Variants in DNAJB14 observed in about 807,000 individuals in gnomAD.
The protein encoded by DNAJB14 is dnaJ homolog subfamily B member 14.
Under a neutral mutation model 48.4 loss-of-function variants are expected in DNAJB14, and 22 were observed. The ratio of observed to expected loss-of-function variants is 0.45; its 90% confidence interval spans 0.32 to 0.65. DNAJB14 has a LOEUF of 0.65. Among genes scored for constraint, DNAJB14 ranks in the 30% least tolerant of loss-of-function variants. The pLI is 0.03. For synonymous variants in DNAJB14, 142 were observed against 158.7 expected (o/e 0.89, Z 0.79); for missense variants, 319 against 458.8 (o/e 0.70, Z 2.78).
chr4:99,939,987 C>T (rs1371883711), intron 1 of DNAJB14, among the ~76,000 whole-genome samples: 1 of 152,138 alleles, frequency 6.6e-6, no homozygotes, highest in East Asian at 1.9e-4. Context: ...TTATTTTATG[C>T]ATTTACCTTC....
chr4:99,931,000 A>G (rs1031646390), intron 1 of DNAJB14, among the ~76,000 whole-genome samples: 12 of 152,220 alleles, frequency 7.9e-5, no homozygotes, highest in Non-Finnish European at 1.8e-4. Context: ...AATAGCAACA[A>G]TGGGAGCCAA....
At chr4:99,902,366 G>A (rs756652032) in intron 7 of DNAJB14, among the ~76,000 whole-genome samples, 1 of 141,546 alleles carries the variant, frequency 7.1e-6, no homozygotes, top group Non-Finnish European at 1.5e-5. Flanking sequence ...ATCTCCAGAC[G>A]TTACCAAACA....
chr4:99,929,855 G>T (rs549332590), intron 2 of DNAJB14: 32 of 152,242 alleles, frequency 2.1e-4, no homozygotes, highest in Non-Finnish European at 4.0e-4. Context: ...AAACAAAACA[G>T]ACTTTTCTCT....
At chr4:99,910,150 G>C (rs1578216030) in intron 3 of DNAJB14, among the ~76,000 whole-genome samples, 2 of 151,932 alleles carry the variant, frequency 1.3e-5, no homozygotes, top group African/African-American at 4.8e-5. Flanking sequence ...TTCTAATCGA[G>C]CTTCTTAAAA....
At position 99,898,530 on chromosome 4, in the gene DNAJB14, A is replaced by G. The variant is rs558683411; in HGVS notation, c.*2498T>C. 10 of 151,988 alleles carry G rather than the reference A, an allele frequency of 6.6e-5. 1 individual carries two copies. In the South Asian group the frequency reaches 2.1e-3, roughly 32 times the overall value. The allele number at this position is 151,988 out of a possible 1,614,324, so 9.4% of individuals were successfully genotyped here. A position where few individuals can be genotyped will look rare whatever the true frequency, so the allele number is the denominator to read the frequency against. On this transcript the variant is annotated 3_prime_UTR_variant, in exon 8 of 8. Coordinates refer to ENST00000442697, the MANE Select transcript of DNAJB14 (RefSeq NM_001031723.4). ...GAAGAGGAGAAAGGTACTATTTTTC[A>G]TTTCCCCCAAACCCTCACAAGGACA... is the stretch of plus-strand genomic sequence containing the variant.
chr4:99,936,660 T>C (rs1228307781), intron 1 of DNAJB14, among the ~76,000 whole-genome samples: 2 of 152,190 alleles, frequency 1.3e-5, no homozygotes, highest in Non-Finnish European at 2.9e-5. Flanking sequence ...AATGTGAGCC[T>C]GAAATTTTTT....
At chr4:99,934,157 A>C (rs1214678796) in intron 1 of DNAJB14, among the ~76,000 whole-genome samples, 1 of 151,964 alleles carries the variant, frequency 6.6e-6, no homozygotes, top group Non-Finnish European at 1.5e-5. Context: ...CAGGGAAAAC[A>C]AAAAAAATGA....
intron 1 of DNAJB14, among the ~76,000 whole-genome samples, chr4:99,936,615 G>T (rs1726685373): frequency 6.6e-6 from 1 of 152,146 alleles, no homozygotes; most frequent in African/African-American, 2.4e-5. Context: ...AGGACTTCTT[G>T]GAGAACTAGC....
At chr4:99,919,252 C>G (rs761848809) in intron 3 of DNAJB14, among the ~76,000 whole-genome samples, 4 of 151,890 alleles carry the variant, frequency 2.6e-5, no homozygotes, top group Non-Finnish European at 2.9e-5. Context: ...TTGGGGTTGC[C>G]TACTCCTCCA....
chr4:99,946,100 A>G (rs991029672), intron 1 of DNAJB14, among the ~76,000 whole-genome samples: 28 of 152,244 alleles, frequency 1.8e-4, no homozygotes, highest in African/African-American at 6.8e-4. Context: ...CCACATAAAC[A>G]ACACAGATAC....
At chr4:99,901,214 C>T (rs1298333096) in intron 7 of DNAJB14, 62 bp from the exon 8 acceptor site, 3 of 1,425,434 alleles carry the variant, frequency 2.1e-6, no homozygotes, top group Non-Finnish European at 1.9e-6. Flanking sequence ...GTTGCTTAAG[C>T]TCAAGTGATG....
chr4:99,905,845 A>G, intron 5 of DNAJB14, 139 bp from the exon 6 acceptor site: 1 of 1,250,120 alleles, frequency 8.0e-7, no homozygotes, highest in Non-Finnish European at 1.1e-6. Flanking sequence ...TAACCATGCC[A>G]ATAGGATGAT....
chr4:99,924,467 A>G, intron 2 of DNAJB14: 1 of 257,928 alleles, frequency 3.9e-6, no homozygotes, highest in Non-Finnish European at 7.3e-6. Context: ...AAAAAGGGAA[A>G]GTAATATAAA....
intron 7 of DNAJB14, among the ~76,000 whole-genome samples, chr4:99,902,412 A>G (rs1190133352): frequency 6.6e-6 from 1 of 151,996 alleles, no homozygotes; most frequent in Non-Finnish European, 1.5e-5. Context: ...AAGGGTGGCA[A>G]CTCACTCCCA....
At chr4:99,945,594 C>CT (rs1434865615) in intron 1 of DNAJB14, among the ~76,000 whole-genome samples, 1 of 152,246 alleles carries the variant, frequency 6.6e-6, no homozygotes, top group Non-Finnish European at 1.5e-5. Flanking sequence ...ATCAGAAAGT[C>CT]TGTTTCCACG....
chr4:99,921,023 T>C (rs1242910360), intron 3 of DNAJB14, among the ~76,000 whole-genome samples: 1 of 152,168 alleles, frequency 6.6e-6, no homozygotes, highest in Non-Finnish European at 1.5e-5. Flanking sequence ...GAAGATCCTG[T>C]GTGCTAAATG....
chr4:99,938,002 A>G (rs1726741428), intron 1 of DNAJB14, among the ~76,000 whole-genome samples: 5 of 150,046 alleles, frequency 3.3e-5, no homozygotes, highest in Admixed American at 2.7e-4. Flanking sequence ...TCACGCCTGT[A>G]ATCCCAACAC....
chr4:99,938,095 TACAAAA>T (rs1726747096), intron 1 of DNAJB14, among the ~76,000 whole-genome samples: 7 of 4,084 alleles, frequency 1.7e-3, no homozygotes, highest in African/African-American at 3.4e-3. Flanking sequence ...ATGTTAAAAA[TACAAAA>T]AAAAAAAAAA....
chr4:99,904,055 C>T (rs1725386097), intron 6 of DNAJB14, among the ~76,000 whole-genome samples, 157 bp from the exon 7 acceptor site: 1 of 152,096 alleles, frequency 6.6e-6, no homozygotes, highest in Admixed American at 6.6e-5. Context: ...CCGAAATGCT[C>T]TAAAATCTAA....
Sources: gnomAD v4.1 joint callset for allele counts (sites outside exome capture counted in the v4.1 genomes callset) on GRCh38, gnomAD v4.1.1 for gene constraint, MANE v1.5 for transcripts, NCBI Gene and HGNC (gene_info 2026-07-23, HGNC 2026-07-21) for gene names.